KIF21A: variants seen among roughly 807,000 people sequenced by gnomAD.
KIF21A encodes the protein kinesin family member 21A.
KIF21A carries 114 observed loss-of-function variants against 202.9 expected under a neutral mutation model. The ratio of observed to expected loss-of-function variants is 0.56; its 90% CI spans 0.48 to 0.66. The LOEUF (loss-of-function observed/expected upper bound fraction) is 0.66, where lower values mean the gene tolerates loss of function less well. KIF21A is among the 30% of genes least tolerant of loss of function. The probability of loss-of-function intolerance (pLI) is 0.00; values close to 1 mark genes in which losing one functional copy is unlikely to be tolerated. For synonymous variants in KIF21A, 667 were observed against 670.8 expected, an observed-to-expected ratio of 0.99 and a Z score of 0.09; for missense variants, 1,677 against 1,994.9, an observed-to-expected ratio of 0.84 and a Z score of 3.04.
intron 1 of KIF21A, among the ~76,000 whole-genome samples, chr12:39,386,723 C>T (rs1266667120): frequency 1.3e-5 from 2 of 152,132 alleles, no homozygotes; most frequent in Admixed American, 6.6e-5. Flanking sequence ...CTCAGGCAGA[C>T]GTCTAAGTGA....
chr12:39,304,256 C>G (rs1943241405), intron 35 of KIF21A, among the ~76,000 whole-genome samples: 1 of 152,170 alleles, frequency 6.6e-6, no homozygotes, highest in Non-Finnish European at 1.5e-5. Context: ...CACAGATATT[C>G]CCCAAGGCTG....
At chr12:39,406,624 A>C (rs1168850193) in intron 1 of KIF21A, among the ~76,000 whole-genome samples, 2 of 152,190 alleles carry the variant, frequency 1.3e-5, no homozygotes, top group African/African-American at 4.8e-5. Flanking sequence ...TGTATCATCT[A>C]ACTTGGCAGG....
At chr12:39,343,659 A>C (rs1377089439) in intron 12 of KIF21A, among the ~76,000 whole-genome samples, 2 of 152,182 alleles carry the variant, frequency 1.3e-5, no homozygotes, top group African/African-American at 4.8e-5. Context: ...TCTACTGAGC[A>C]CTATGAATAT....
chr12:39,340,279 C>A lies in KIF21A; in HGVS notation c.2196G>T (p.Leu732=). 1 of 1,613,064 alleles carries A rather than the reference C, an allele frequency of 6.2e-7. No homozygotes were observed. Among genetic ancestry groups the A allele is most frequent in the Non-Finnish European group, 8.5e-7 (1 of 1,179,500 alleles). Reference sequence around the variant, plus strand: ...CTTTTTGAGCTGCTTGAAGTCTCTGCAGTTCTTTGTTCATGGCTTGGAGTT... The same window carrying A: ...CTTTTTGAGCTGCTTGAAGTCTCTGAAGTTCTTTGTTCATGGCTTGGAGTT... ...EKKLQAMNKE[L]QRLQAAQKEH... Residue 732 remains leucine, a synonymous_variant, in exon 16 of 38, where the codon CTG becomes CTT. Coordinates refer to ENST00000361418, the MANE Select transcript of KIF21A (RefSeq NM_001173464.2).
At chr12:39,339,235 CA>C (rs35065621) in intron 16 of KIF21A, among the ~76,000 whole-genome samples, 164 of 130,518 alleles carry the variant, frequency 1.3e-3, no homozygotes, top group Admixed American at 3.6e-3. Context: ...GACTCCCTCT[CA>C]AAAAAAAAAA....
At chr12:39,327,250 T>C (rs559645911) in intron 24 of KIF21A, among the ~76,000 whole-genome samples, 1 of 152,334 alleles carries the variant, frequency 6.6e-6, no homozygotes, top group African/African-American at 2.4e-5. Context: ...AATTGATTCA[T>C]TTCTCTCCAC....
In KIF21A at chr12:39,293,333, C is replaced by T. The variant is rs542463546; in HGVS notation, c.*1091G>A. 3.3e-5 allele frequency: 5 copies of T among 152,410 alleles called. No individual in the cohort carries two copies. The highest frequency in any genetic ancestry group is 6.6e-5 in the Admixed American group (1 of 15,266). 9.4% of individuals were successfully genotyped at this position (152,410 alleles called of 1,614,324 possible). A position where few individuals can be genotyped will look rare whatever the true frequency, so the allele number is the denominator to read the frequency against. On this transcript the variant is annotated 3_prime_UTR_variant, in exon 38 of 38. Coordinates refer to ENST00000361418, the MANE Select transcript of KIF21A (RefSeq NM_001173464.2). ...TAAGACAATATTTTCAAATGTTATA[C>T]CATCTACATAAAAATTAAACTTGCA...
intron 10 of KIF21A, 126 bp from the exon 11 acceptor site, chr12:39,352,106 G>A: frequency 2.7e-6 from 2 of 742,740 alleles, no homozygotes; most frequent in Non-Finnish European, 2.3e-6. Flanking sequence ...AATCTATATT[G>A]TTCTGCAACC....
At chr12:39,327,101 A>G (rs940166554) in intron 24 of KIF21A, among the ~76,000 whole-genome samples, 7 of 152,186 alleles carry the variant, frequency 4.6e-5, no homozygotes, top group Non-Finnish European at 7.3e-5. Context: ...TTTTTAATGT[A>G]TATTTTATTA....
chr12:39,365,745 C>T (rs531308439), intron 6 of KIF21A, among the ~76,000 whole-genome samples: 1 of 152,218 alleles, frequency 6.6e-6, no homozygotes, highest in Non-Finnish European at 1.5e-5. Context: ...CGCAGTGGCT[C>T]GCGCCTGTAA....
chr12:39,393,503 A>G (rs949482820), intron 1 of KIF21A, among the ~76,000 whole-genome samples: 10 of 151,880 alleles, frequency 6.6e-5, no homozygotes, highest in Non-Finnish European at 1.5e-4. Context: ...TGTGTTCGCA[A>G]CTCCATTATG....
intron 1 of KIF21A, among the ~76,000 whole-genome samples, chr12:39,401,278 T>C (rs1256303348): frequency 6.6e-6 from 1 of 152,064 alleles, no homozygotes; most frequent in African/African-American, 2.4e-5. Flanking sequence ...AGTAGAAAAC[T>C]TCAGTTTTCA....
chr12:39,305,702 T>A (rs1443542829), intron 34 of KIF21A, among the ~76,000 whole-genome samples: 1 of 152,198 alleles, frequency 6.6e-6, no homozygotes, highest in Non-Finnish European at 1.5e-5. Context: ...AAATGATTAA[T>A]TTTAACTCCA....
chr12:39,329,604 AGAGG>A (rs1946322709), intron 24 of KIF21A, among the ~76,000 whole-genome samples: 1 of 152,054 alleles, frequency 6.6e-6, no homozygotes, highest in African/African-American at 2.4e-5. Context: ...GAGAAGCAAG[AGAGG>A]GAGGGAGAGG....
rs1949360115 is a variant in KIF21A at position 39,363,160 on chromosome 12, T to C, written c.957A>G (p.Thr319=). ...GCTTGGAATCTCTATAGGGGACATG[T>C]GTGGCCCTCTTGCTCTTGTCTCCCA... ...SALGDKSKRA[T]HVPYRDSKLT... is the part of the protein sequence containing the mutation. Residue 319 remains threonine, a synonymous_variant, in exon 7 of 38, where the codon ACA becomes ACG. Transcript: ENST00000361418. 6.2e-7 allele frequency: 1 copy of C among 1,613,428 alleles called. No homozygotes were observed. Among genetic ancestry groups the C allele is most frequent in the South Asian group, 1.1e-5 (1 of 91,030 alleles).
chr12:39,317,462 T>C (rs1303152944), intron 29 of KIF21A, among the ~76,000 whole-genome samples: 1 of 152,162 alleles, frequency 6.6e-6, no homozygotes, highest in African/African-American at 2.4e-5. Flanking sequence ...TGTGGATACT[T>C]TGTCATTTCA....
chr12:39,402,271 G>C (rs1467575345), intron 1 of KIF21A, among the ~76,000 whole-genome samples: 1 of 152,166 alleles, frequency 6.6e-6, no homozygotes, highest in Non-Finnish European at 1.5e-5. Flanking sequence ...ACCACAACTT[G>C]GGTAGAACAG....
chr12:39,302,933 C>T, intron 36 of KIF21A, 32 bp downstream of exon 36: 2 of 1,590,452 alleles, frequency 1.3e-6, no homozygotes, highest in Non-Finnish European at 1.7e-6. Context: ...GTTGAAATGC[C>T]CACTCTATAC....
intron 17 of KIF21A, among the ~76,000 whole-genome samples, chr12:39,334,104 G>A (rs1341011413): frequency 6.6e-6 from 1 of 151,250 alleles, no homozygotes; most frequent in Non-Finnish European, 1.5e-5. Flanking sequence ...GGGAGGCTGA[G>A]GTGGGAGAAT....
Sources: gnomAD v4.1 joint callset for allele counts (sites outside exome capture counted in the v4.1 genomes callset) on GRCh38, gnomAD v4.1.1 for gene constraint, MANE v1.5 for transcripts, NCBI Gene and HGNC (gene_info 2026-07-23, HGNC 2026-07-21) for gene names.